Variants in PRKCH observed in about 807,000 individuals in gnomAD.
The protein encoded by PRKCH is protein kinase C eta type.
PRKCH carries 28 observed loss-of-function variants against 82.5 expected under a neutral mutation model. The observed-to-expected ratio is 0.34, with a 90% CI of 0.25 to 0.47. PRKCH has a LOEUF of 0.47. Ranked by LOEUF, PRKCH falls within the 20% of genes least tolerant of loss-of-function variation. The pLI, the probability that PRKCH is intolerant of heterozygous loss-of-function variation, is 1.00. For synonymous variants in PRKCH, 322 were observed against 327.4 expected, an observed-to-expected ratio of 0.98 and a Z score of 0.18; for missense variants, 705 against 881.8, an observed-to-expected ratio of 0.80 and a Z score of 2.54.
At chr14:61,302,440 G>C (rs374989872) in intron 1 of PRKCH, among the ~76,000 whole-genome samples, 1 of 152,122 alleles carries the variant, frequency 6.6e-6, no homozygotes. Context: ...CATGGCTTCT[G>C]TTCCTAAGTT....
At chr14:61,198,773 G>T (rs2044458975) in intron 1 of PRKCH, among the ~76,000 whole-genome samples, 1 of 152,178 alleles carries the variant, frequency 6.6e-6, no homozygotes, top group South Asian at 2.1e-4. Context: ...CAGATCAAAA[G>T]GCTGGAAGGC....
At chr14:61,240,125 C>CGA (rs1345312436) in intron 1 of PRKCH, among the ~76,000 whole-genome samples, 237 of 151,858 alleles carry the variant, frequency 1.6e-3, no homozygotes, top group African/African-American at 5.3e-3. Context: ...TGTAGAAACA[C>CGA]CGTGGGTCCT....
At chr14:61,301,940 T>A (rs1435047188) in intron 1 of PRKCH, among the ~76,000 whole-genome samples, 1 of 152,244 alleles carries the variant, frequency 6.6e-6, no homozygotes, top group Non-Finnish European at 1.5e-5. Flanking sequence ...ATTTTTTTCA[T>A]CATTCCCAAG....
chr14:61,222,826 T>G (rs967452218), intron 1 of PRKCH, among the ~76,000 whole-genome samples: 15 of 152,246 alleles, frequency 9.9e-5, no homozygotes, highest in Non-Finnish European at 2.1e-4. Flanking sequence ...CAAAGAGCTC[T>G]CATGAACTCA....
At chr14:61,322,502 A>AC in intron 1 of PRKCH, 38 bp downstream of exon 1, 1 of 1,560,404 alleles carries the variant, frequency 6.4e-7, no homozygotes, top group South Asian at 1.2e-5. Flanking sequence ...TGTCCACCCA[A>AC]CCCCCGTTCC....
At chr14:61,301,241 C>CT (rs1566812216) in intron 1 of PRKCH, among the ~76,000 whole-genome samples, 1 of 152,138 alleles carries the variant, frequency 6.6e-6, no homozygotes, top group Non-Finnish European at 1.5e-5. Flanking sequence ...AAAAATTACA[C>CT]TGAAGAAGGT....
chr14:61,188,597 T>TGTC (rs2044384045), intron 1 of PRKCH, among the ~76,000 whole-genome samples: 4 of 39,644 alleles, frequency 1.0e-4, no homozygotes, highest in South Asian at 2.1e-3. Flanking sequence ...GTCGGGGGGG[T>TGTC]GGGGGGGTGG....
intron 2 of PRKCH, among the ~76,000 whole-genome samples, chr14:61,427,437 G>A (rs1883164628): frequency 6.6e-6 from 1 of 152,058 alleles, no homozygotes; most frequent in Admixed American, 6.5e-5. Context: ...AGGATTGGGA[G>A]GACCTGGAAG....
At chr14:61,486,582 C>A (rs761786812) in intron 10 of PRKCH, among the ~76,000 whole-genome samples, 8 of 151,854 alleles carry the variant, frequency 5.3e-5, no homozygotes, top group Non-Finnish European at 1.0e-4. Context: ...AATTTTTATT[C>A]TCACATTTTC....
chr14:61,388,518 G>C (rs1489585464), intron 1 of PRKCH, among the ~76,000 whole-genome samples: 1 of 152,218 alleles, frequency 6.6e-6, no homozygotes, highest in African/African-American at 2.4e-5. Context: ...TGGGCTGCAG[G>C]ATGGCGGAGG....
At chr14:61,503,074 C>T (rs1444794722) in intron 10 of PRKCH, among the ~76,000 whole-genome samples, 1 of 135,830 alleles carries the variant, frequency 7.4e-6, no homozygotes, top group East Asian at 2.4e-4. Context: ...GCGGTGAAAT[C>T]AACTTACAAA....
At chr14:61,484,686 C>T (rs900068953) in intron 9 of PRKCH, among the ~76,000 whole-genome samples, 1 of 151,450 alleles carries the variant, frequency 6.6e-6, no homozygotes, top group African/African-American at 2.4e-5. Flanking sequence ...TTCTACATTC[C>T]GACTCTTGAC....
intron 1 of PRKCH, chr14:61,303,332 C>T (rs1394032580): frequency 1.3e-5 from 2 of 151,974 alleles, no homozygotes; most frequent in Non-Finnish European, 1.5e-5. Context: ...TGGGCCTGTT[C>T]CTTTAATTTT....
At chr14:61,356,760 A>C (rs10873141) in intron 1 of PRKCH, among the ~76,000 whole-genome samples, 152,245 of 152,340 alleles carry the variant, frequency 1, 76,075 homozygotes, top group Middle Eastern at 1. Context: ...CAGCTCACTG[A>C]AACCTCTGCC....
chr14:61,231,658 C>T (rs2044745702), intron 1 of PRKCH, among the ~76,000 whole-genome samples: 1 of 152,160 alleles, frequency 6.6e-6, no homozygotes, highest in Admixed American at 6.5e-5. Flanking sequence ...AGGTGTGAGC[C>T]ACCGTGGCCG....
At chr14:61,365,644 G>A (rs1298116214) in intron 1 of PRKCH, among the ~76,000 whole-genome samples, 2 of 151,888 alleles carry the variant, frequency 1.3e-5, no homozygotes, top group Non-Finnish European at 2.9e-5. Context: ...TTAAACTGCA[G>A]GCATCTGTGT....
rs965872264 is a variant in PRKCH at position 61,509,488 on chromosome 14, T to A, written c.1434-19587T>A. Among the ~76,000 whole-genome samples, 13 of 142,984 alleles carry A rather than the reference T, an allele frequency of 9.1e-5. 1 individual carries two copies. The highest frequency in any genetic ancestry group is 4.0e-4 in the African/African-American group (13 of 32,730). 93.8% of individuals were successfully genotyped at this position (142,984 alleles called of 152,430 possible). A position where few individuals can be genotyped will look rare whatever the true frequency, so the allele number is the denominator to read the frequency against. ...GAATCTTTGCTCTCAGGATTTAGTC[T>A]ACTGGGAATTCTAAACACACATAAA... On this transcript the variant is annotated intron_variant, in intron 10 of 13. Transcript: ENST00000332981.
chr14:61,330,686 G>A (rs1353947258), intron 1 of PRKCH, among the ~76,000 whole-genome samples: 2 of 152,108 alleles, frequency 1.3e-5, no homozygotes, highest in Non-Finnish European at 2.9e-5. Context: ...TAGTGCTGTG[G>A]TGCTCCAGTT....
chr14:61,261,079 C>T (rs1222982714), intron 1 of PRKCH, among the ~76,000 whole-genome samples: 1 of 152,126 alleles, frequency 6.6e-6, no homozygotes, highest in Admixed American at 6.5e-5. Flanking sequence ...GTAATCGGTT[C>T]CAAAAACAAT....
Sources: gnomAD v4.1 joint callset for allele counts (sites outside exome capture counted in the v4.1 genomes callset) on GRCh38, gnomAD v4.1.1 for gene constraint, MANE v1.5 for transcripts, NCBI Gene and HGNC (gene_info 2026-07-23, HGNC 2026-07-21) for gene names.